The following PITPNM2 variants were observed in gnomAD, a reference collection of about 807,000 sequenced individuals.
PITPNM2 encodes membrane-associated phosphatidylinositol transfer protein 2.
In PITPNM2, 35 loss-of-function variants were observed where a neutral mutation model predicts 132.2. The observed-to-expected ratio is 0.26, with a 90% confidence interval of 0.20 to 0.35. PITPNM2 has a LOEUF of 0.35. Ranked by LOEUF, PITPNM2 falls within the 10% of genes least tolerant of loss-of-function variation. The pLI is 1.00. For synonymous variants in PITPNM2, 738 were observed against 799.2 expected (o/e 0.92, Z 1.29); for missense variants, 1,332 against 1,912.0 (o/e 0.70, Z 5.66).
At chr12:123,069,234 A>G (rs2041546167) in intron 2 of PITPNM2, among the ~76,000 whole-genome samples, 1 of 151,786 alleles carries the variant, frequency 6.6e-6, no homozygotes, top group Admixed American at 6.6e-5. Context: ...ACAACAGAGT[A>G]AGACCTACTC....
intron 2 of PITPNM2, among the ~76,000 whole-genome samples, chr12:123,035,534 C>A (rs1317666595): frequency 1.3e-5 from 2 of 151,994 alleles, no homozygotes; most frequent in African/African-American, 2.4e-5. Flanking sequence ...CAGGTGGTGG[C>A]AGGAGCCTGT....
chr12:123,081,758 G>C (rs1028665384), intron 2 of PITPNM2: 13 of 152,218 alleles, frequency 8.5e-5, no homozygotes, highest in Non-Finnish European at 1.8e-4. Context: ...GGGGCACTGT[G>C]CACTCTTGCC....
intron 1 of PITPNM2, among the ~76,000 whole-genome samples, chr12:123,146,839 G>A (rs1043776526): frequency 2.0e-5 from 3 of 152,058 alleles, no homozygotes; most frequent in African/African-American, 7.2e-5. Context: ...GGTAATCAGG[G>A]ACTTGGGTTC....
Position 123,034,613 on chromosome 12 carries a change from C to T in PITPNM2, c.-23G>A, listed in dbSNP as rs369211850. ...CATCTTGGAGTCCAAGCCTTCCCGT[C>T]GATGGGGAACTGCAAGTTGGGACTT... On this transcript the variant is annotated 5_prime_UTR_variant, in exon 3 of 26. Transcript: ENST00000320201. The T allele has an allele frequency of 1.2e-4, 200 of 1,607,758 alleles. No individual in the cohort carries two copies. The highest frequency in any genetic ancestry group is 1.5e-4 in the Non-Finnish European group (181 of 1,174,340).
intron 2 of PITPNM2, among the ~76,000 whole-genome samples, chr12:123,045,546 T>A (rs1202098029): frequency 6.6e-6 from 1 of 152,004 alleles, no homozygotes; most frequent in Non-Finnish European, 1.5e-5. Context: ...TGGGACTGAG[T>A]TTTTCCCTGG....
rs779809110 is a variant in PITPNM2 at position 122,990,599 on chromosome 12, C to T, written c.2515G>A (p.Ala839Thr). 1.4e-5 allele frequency: 23 copies of T among 1,612,538 alleles called. No individual in the cohort carries two copies. The highest frequency in any genetic ancestry group is 1.7e-5 in the Non-Finnish European group (20 of 1,179,986). Reference sequence around the variant, plus strand: ...TCAGCCATGCCTGACACCTGGCTGGCGATGCTGATCTCACTGGCTCGGCGG... The same window carrying T: ...TCAGCCATGCCTGACACCTGGCTGGTGATGCTGATCTCACTGGCTCGGCGG... Reference protein sequence around the residue: ...GFRRASEISIASQVSGMAESY... With the variant: ...GFRRASEISITSQVSGMAESY... Residue 839 changes from alanine (A) to threonine (T), a missense_variant, in exon 17 of 26, where the codon GCC becomes ACC. Around this residue, in one of 6 missense-constraint regions of PITPNM2, gnomAD observed 710 missense variants for 911.5 expected, o/e 0.78. Transcript: ENST00000320201.
At chr12:123,047,406 G>A (rs2040696353) in intron 2 of PITPNM2, among the ~76,000 whole-genome samples, 1 of 152,070 alleles carries the variant, frequency 6.6e-6, no homozygotes, top group African/African-American at 2.4e-5. Context: ...CAAAATACAG[G>A]CGTCTTGGTT....
At position 122,988,246 on chromosome 12, in the gene PITPNM2, G is replaced by A. The variant is rs779899379; in HGVS notation, c.2985C>T (p.His995=). 10 of 1,612,664 alleles carry A rather than the reference G, an allele frequency of 6.2e-6. No individual in the cohort carries two copies. The highest frequency in any genetic ancestry group is 8.5e-6 in the Non-Finnish European group (10 of 1,179,914). ...PREKWQRKRT[H]VKLRNVTANH... Reference sequence around the variant, plus strand: ...GGGGGACCCTCACCCGCAGCTTCACGTGGGTCCGCTTGCGCTGCCACTTCT... The same window carrying A: ...GGGGGACCCTCACCCGCAGCTTCACATGGGTCCGCTTGCGCTGCCACTTCT... Residue 995 remains histidine, a synonymous_variant, in exon 20 of 26, where the codon CAC becomes CAT. Coordinates refer to ENST00000320201, the MANE Select transcript of PITPNM2 (RefSeq NM_020845.3).
At position 123,099,636 on chromosome 12, in the gene PITPNM2, G is replaced by A. The variant is rs983015319; in HGVS notation, c.-96+10749C>T. Among the ~76,000 whole-genome samples the A allele has an allele frequency of 4.6e-5, 7 of 152,260 alleles. No homozygotes were observed. The highest frequency in any genetic ancestry group is 1.7e-4 in the African/African-American group (7 of 41,556). On this transcript the variant is annotated intron_variant, in intron 2 of 25. Transcript: ENST00000320201. This position sits in a 1 kb window ranked among gnomAD's most constrained non-coding sequence, Gnocchi z 4.2. ...CTGGGTTAACCTTCTCTGTGCTACTGTTTTTTTAATGACCCAAACAGCTCC... is the reference window on the plus strand; with the variant it reads ...CTGGGTTAACCTTCTCTGTGCTACTATTTTTTTAATGACCCAAACAGCTCC...
chr12:123,110,781 C>T (rs1223975720), intron 1 of PITPNM2, among the ~76,000 whole-genome samples: 1 of 152,198 alleles, frequency 6.6e-6, no homozygotes, highest in Non-Finnish European at 1.5e-5. Flanking sequence ...ATAAGCCATC[C>T]TATTTTCAAA....
At chr12:123,032,391 C>T (rs538282608) in intron 3 of PITPNM2, among the ~76,000 whole-genome samples, 1 of 152,250 alleles carries the variant, frequency 6.6e-6, no homozygotes, top group African/African-American at 2.4e-5. Flanking sequence ...GCATGAGAAT[C>T]GCTTGAACCC....
At chr12:122,988,944 C>T in intron 18 of PITPNM2, 72 bp from the exon 19 acceptor site, 1 of 1,446,264 alleles carries the variant, frequency 6.9e-7, no homozygotes, top group Non-Finnish European at 9.2e-7. Flanking sequence ...TCACCCGGCC[C>T]CTCTGGCCTG....
intron 2 of PITPNM2, among the ~76,000 whole-genome samples, chr12:123,060,751 T>C (rs535560111): frequency 6.6e-6 from 1 of 152,246 alleles, no homozygotes; most frequent in South Asian, 2.1e-4. Flanking sequence ...CCAGGGTCCC[T>C]GGGTATAGGC....
rs1436625674 is a variant in PITPNM2, at chr12:123,034,801, G to T, written c.-95-116C>A. The T allele has an allele frequency of 9.0e-6, 5 of 554,668 alleles. No individual in the cohort carries two copies. The African/African-American group carries it at 9.4e-5, about 10-fold the overall frequency. The allele number at this position is 554,668 out of a possible 1,614,324, so 34.4% of individuals were successfully genotyped here. A position where few individuals can be genotyped will look rare whatever the true frequency, so the allele number is the denominator to read the frequency against. On this transcript the variant is annotated intron_variant, in intron 2 of 25. Transcript: ENST00000320201. ...AGGCTGGAATTGTGGCCTCTGATCA[G>T]GCATGATCCAACGGTGCAACTTTGA...
At chr12:123,050,481 A>G (rs1027372609) in intron 2 of PITPNM2, among the ~76,000 whole-genome samples, 5 of 152,198 alleles carry the variant, frequency 3.3e-5, no homozygotes, top group Admixed American at 1.3e-4. Flanking sequence ...GTGACCCAGG[A>G]CTGATCTACT....
intron 1 of PITPNM2, among the ~76,000 whole-genome samples, chr12:123,122,477 A>C (rs1296055370): frequency 6.6e-6 from 1 of 152,194 alleles, no homozygotes; most frequent in Non-Finnish European, 1.5e-5. Context: ...AAAAGAAGAA[A>C]GAAAGAAATG....
chr12:123,120,335 AAGC>A (rs2043011521), intron 1 of PITPNM2, among the ~76,000 whole-genome samples: 1 of 152,172 alleles, frequency 6.6e-6, no homozygotes, highest in Non-Finnish European at 1.5e-5. Context: ...ACAGGTGTCT[AAGC>A]AGCATTCTGG....
At chr12:123,143,681 G>A (rs765410691) in intron 1 of PITPNM2, among the ~76,000 whole-genome samples, 2 of 152,188 alleles carry the variant, frequency 1.3e-5, no homozygotes, top group Non-Finnish European at 2.9e-5. Flanking sequence ...CTATTGCAGG[G>A]CTGCCGCCAG....
At chr12:123,081,609 C>T (rs779750834) in intron 2 of PITPNM2, 2 of 152,174 alleles carry the variant, frequency 1.3e-5, no homozygotes, top group Non-Finnish European at 2.9e-5. Flanking sequence ...CCTCTCACTT[C>T]GCAGATGCAA....
Sources: gnomAD v4.1 joint callset for allele counts (sites outside exome capture counted in the v4.1 genomes callset) on GRCh38, gnomAD v4.1.1 for gene constraint, gnomAD v4.1.1 regional missense constraint, Gnocchi (gnomAD v3.1) non-coding constraint, MANE v1.5 for transcripts, NCBI Gene and HGNC (gene_info 2026-07-23, HGNC 2026-07-21) for gene names.